PCSK2: variants seen among roughly 807,000 people sequenced by gnomAD.
PCSK2 encodes proprotein convertase subtilisin/kexin type 2, also known as neuroendocrine convertase 2.
In PCSK2, 14 loss-of-function variants were observed where a neutral mutation model predicts 69.7. The observed-to-expected ratio is 0.20, with a 90% CI of 0.13 to 0.31. The LOEUF (loss-of-function observed/expected upper bound fraction) is 0.31. Ranked by LOEUF, PCSK2 falls within the 10% of genes least tolerant of loss-of-function variation. PCSK2 has a pLI of 1.00. For missense variants in PCSK2, 544 were observed against 842.5 expected (o/e 0.65, Z 4.39); for synonymous variants, 307 against 320.7 (o/e 0.96, Z 0.46).
intron 4 of PCSK2, among the ~76,000 whole-genome samples, chr20:17,362,984 C>T (rs1238484417): frequency 6.6e-6 from 1 of 152,246 alleles, no homozygotes; most frequent in Non-Finnish European, 1.5e-5. Flanking sequence ...ATCAGTACTG[C>T]ATTCTCTCTC....
In PCSK2 at chr20:17,483,536, G is replaced by T. The variant is rs888581263; in HGVS notation, c.*1466G>T. 6.6e-6 allele frequency: 1 copy of T among 152,186 alleles called. No homozygotes were observed. Among genetic ancestry groups the T allele is most frequent in the African/African-American group, 2.4e-5 (1 of 41,444 alleles). 9.4% of individuals were successfully genotyped at this position (152,186 alleles called of 1,614,324 possible). A position where few individuals can be genotyped will look rare whatever the true frequency, so the allele number is the denominator to read the frequency against. ...CTCTCCAGGCACCATCTCCCTTCCTGTGGGAGCAGAGAGCTTAGCCTGGAG... is the reference window on the plus strand; with the variant it reads ...CTCTCCAGGCACCATCTCCCTTCCTTTGGGAGCAGAGAGCTTAGCCTGGAG... On this transcript the variant is annotated 3_prime_UTR_variant, in exon 12 of 12. Transcript: ENST00000262545.
chr20:17,364,568 T>G (rs6080658), intron 4 of PCSK2, among the ~76,000 whole-genome samples: 3 of 151,940 alleles, frequency 2.0e-5, no homozygotes, highest in Admixed American at 6.6e-5. Flanking sequence ...CATCAGATCT[T>G]GCGAGACTTA....
chr20:17,277,479 G>T (rs377391602), intron 2 of PCSK2, among the ~76,000 whole-genome samples: 2,379 of 152,092 alleles, frequency 0.016, 22 homozygotes, highest in South Asian at 0.044. Flanking sequence ...AAGGATTCCC[G>T]ATTTAATAAA....
chr20:17,260,867 A>C (rs1385336085), intron 2 of PCSK2, among the ~76,000 whole-genome samples: 1 of 152,000 alleles, frequency 6.6e-6, no homozygotes, highest in Non-Finnish European at 1.5e-5. Context: ...TTTTTATCCT[A>C]TATTTTCTAG....
chr20:17,240,073 C>A (rs543583258), intron 1 of PCSK2, among the ~76,000 whole-genome samples: 2 of 151,736 alleles, frequency 1.3e-5, no homozygotes, highest in Non-Finnish European at 2.9e-5. Context: ...AGGATGGTCT[C>A]GATCTCCTGA....
chr20:17,329,539 G>A (rs916992611), intron 2 of PCSK2, among the ~76,000 whole-genome samples: 2 of 152,286 alleles, frequency 1.3e-5, no homozygotes, highest in East Asian at 3.9e-4. Flanking sequence ...TATTTAAACT[G>A]AAAGACTTAT....
intron 11 of PCSK2, among the ~76,000 whole-genome samples, chr20:17,475,049 G>A (rs187661391): frequency 3.0e-4 from 46 of 151,962 alleles, no homozygotes; most frequent in African/African-American, 1.0e-3. Flanking sequence ...TTTATTGAGG[G>A]AGGGCTTTTC....
At chr20:17,247,879 G>A (rs1031918859) in intron 1 of PCSK2, among the ~76,000 whole-genome samples, 1 of 152,194 alleles carries the variant, frequency 6.6e-6, no homozygotes. Flanking sequence ...GGAAAATGGA[G>A]TGTGTGGGTT....
chr20:17,258,354 A>G (rs1439197713), intron 1 of PCSK2, among the ~76,000 whole-genome samples: 2 of 152,220 alleles, frequency 1.3e-5, no homozygotes, highest in African/African-American at 4.8e-5. Context: ...TGTGTTCTGA[A>G]TAAGTTGATT....
chr20:17,234,140 A>G lies in PCSK2; in HGVS notation c.177+6658A>G, dbSNP rs980063891. Among the ~76,000 whole-genome samples the G allele has an allele frequency of 2.6e-5, 4 of 152,200 alleles. No individual in the cohort carries two copies. In the South Asian group the frequency reaches 8.3e-4, roughly 32 times the overall value. The stretch of plus-strand genomic sequence containing the variant: ...CCCTTTGCTTAAGTTGCTAGAGTGA[A>G]TCTCTAAACCTCGAAGGCAAACCGA... On this transcript the variant is annotated intron_variant, in intron 1 of 11. Coordinates refer to ENST00000262545, the MANE Select transcript of PCSK2 (RefSeq NM_002594.5).
intron 1 of PCSK2, among the ~76,000 whole-genome samples, chr20:17,248,252 C>T (rs1986844429): frequency 1.3e-5 from 2 of 150,984 alleles, no homozygotes; most frequent in South Asian, 4.2e-4. Flanking sequence ...TACTAAATGC[C>T]CGCAGTATGA....
chr20:17,311,606 G>A (rs1035487273), intron 2 of PCSK2, among the ~76,000 whole-genome samples: 1 of 152,120 alleles, frequency 6.6e-6, no homozygotes, highest in Non-Finnish European at 1.5e-5. Flanking sequence ...TTACGTGCAC[G>A]TTGACAAAGA....
intron 11 of PCSK2, among the ~76,000 whole-genome samples, chr20:17,466,263 G>A (rs186610576): frequency 3.3e-5 from 5 of 152,092 alleles, no homozygotes; most frequent in Non-Finnish European, 7.3e-5. Flanking sequence ...TAACTTGCCT[G>A]TTCCATACTT....
rs2030359120 is a variant in PCSK2, at chr20:17,360,588, C to T, written c.453C>T (p.Ala151=). ...GCCTTGATTTGAATGTGGCTGAAGC[C>T]TGGGAGCTGGGATACACAGGGAAAG... ...TPGLDLNVAE[A]WELGYTGKGV... Residue 151 remains alanine (A), a synonymous_variant, in exon 4 of 12, where the codon GCC becomes GCT. Coordinates refer to ENST00000262545, the MANE Select transcript of PCSK2 (RefSeq NM_002594.5). 1 of 1,612,844 alleles carries T rather than the reference C, an allele frequency of 6.2e-7. No homozygotes were observed. The highest frequency in any genetic ancestry group is 1.7e-5 in the Admixed American group (1 of 59,934).
At chr20:17,348,485 C>T (rs1433753657) in intron 2 of PCSK2, among the ~76,000 whole-genome samples, 1 of 152,178 alleles carries the variant, frequency 6.6e-6, no homozygotes, top group Non-Finnish European at 1.5e-5. Context: ...CTCACCACAA[C>T]CAAAGTACAC....
intron 2 of PCSK2, among the ~76,000 whole-genome samples, chr20:17,330,950 A>G (rs1330173910): frequency 2.0e-5 from 3 of 152,224 alleles, no homozygotes; most frequent in Non-Finnish European, 2.9e-5. Context: ...GGGGAAAAAA[A>G]TCTTTGTCAG....
At position 17,235,058 on chromosome 20, in the gene PCSK2, C is replaced by A. The variant is rs149527166; in HGVS notation, c.177+7576C>A. Among the ~76,000 whole-genome samples the A allele has an allele frequency of 2.9e-3, 442 of 152,246 alleles. 4 individuals are homozygous for A. In the East Asian group the frequency reaches 0.04, roughly 14 times the overall value. On this transcript the variant is annotated intron_variant, in intron 1 of 11. Transcript: ENST00000262545. ...ATTACATCTGAGTCAACACTTCAGTCTGAAATGTATAGTTGTGTATTAATG... is the reference window on the plus strand; with the variant it reads ...ATTACATCTGAGTCAACACTTCAGTATGAAATGTATAGTTGTGTATTAATG...
rs548777661 is a variant in PCSK2 at position 17,373,143 on chromosome 20, T to C, written c.543+3866T>C. Among the ~76,000 whole-genome samples the C allele has an allele frequency of 7.0e-4, 107 of 152,006 alleles. 1 individual carries two copies. The highest frequency in any genetic ancestry group is 3.7e-4 in the Non-Finnish European group (25 of 68,010). ...GCAGACTCTGAAGCAAGGGTTTGAG[T>C]ACAAGTAGGTTATTTGGAAGAGGAT... On this transcript the variant is annotated intron_variant, in intron 5 of 11. Coordinates refer to ENST00000262545, the MANE Select transcript of PCSK2 (RefSeq NM_002594.5).
At chr20:17,467,871 T>G (rs566909256) in intron 11 of PCSK2, among the ~76,000 whole-genome samples, 10 of 152,360 alleles carry the variant, frequency 6.6e-5, no homozygotes, top group Non-Finnish European at 1.3e-4. Context: ...ACTTCTAGCT[T>G]ACACCTGTAG....
Sources: gnomAD v4.1 joint callset for allele counts (sites outside exome capture counted in the v4.1 genomes callset) on GRCh38, gnomAD v4.1.1 for gene constraint, MANE v1.5 for transcripts, NCBI Gene and HGNC (gene_info 2026-07-23, HGNC 2026-07-21) for gene names.